Variants in CERS6 observed in about 807,000 individuals in gnomAD.
The protein encoded by CERS6 is LAG1 homolog, ceramide synthase 6.
In CERS6, 26 loss-of-function variants were observed where a neutral mutation model predicts 56.8. That is an observed-to-expected ratio of 0.46 (90% CI 0.34 to 0.63). The LOEUF is 0.63. Ranked by LOEUF, CERS6 falls within the 30% of genes least tolerant of loss-of-function variation. CERS6 has a pLI of 0.01. For missense variants in CERS6, 415 were observed against 467.5 expected, an observed-to-expected ratio of 0.89 and a Z score of 1.04; for synonymous variants, 164 against 173.3, an observed-to-expected ratio of 0.95 and a Z score of 0.42.
At chr2:168,721,571 A>AAC (rs1687370799) in intron 8 of CERS6, among the ~76,000 whole-genome samples, 2 of 95,790 alleles carry the variant, frequency 2.1e-5, no homozygotes, top group Non-Finnish European at 4.8e-5. Flanking sequence ...TTTTTGTTTA[A>AAC]AAAAAACCAA....
intron 3 of CERS6, among the ~76,000 whole-genome samples, chr2:168,617,356 C>CAGCAGAAGAAAGGAAATA (rs547019905): frequency 3.5e-4 from 53 of 151,898 alleles, no homozygotes; most frequent in Non-Finnish European, 6.2e-4. Flanking sequence ...AACCCAAACC[C>CAGCAGAAGAAAGGAAATA]AGCAGAAGAA....
At chr2:168,664,158 C>T (rs1685699757) in intron 4 of CERS6, among the ~76,000 whole-genome samples, 1 of 152,194 alleles carries the variant, frequency 6.6e-6, no homozygotes, top group Non-Finnish European at 1.5e-5. Flanking sequence ...CTCGACAGCC[C>T]CTGCCTTACT....
intron 4 of CERS6, among the ~76,000 whole-genome samples, chr2:168,675,705 T>G (rs535675017): frequency 6.6e-6 from 1 of 150,738 alleles, no homozygotes; most frequent in African/African-American, 2.4e-5. Context: ...CTTTTTTTTA[T>G]GAGATGGAGT....
rs13405834 is a variant in CERS6 at position 168,456,823 on chromosome 2, C to G, written c.170+205C>G. Among the ~76,000 whole-genome samples the G allele has an allele frequency of 4.2e-3, 646 of 152,312 alleles. 5 individuals are homozygous for G. Among genetic ancestry groups the G allele is most frequent in the African/African-American group, 0.015 (608 of 41,578 alleles). ...GGGTCTGGCTTGCCACGGATTTCCTCCCGGGCGCCGGGGAGGAGCCGCGGA... is the reference window on the plus strand; with the variant it reads ...GGGTCTGGCTTGCCACGGATTTCCTGCCGGGCGCCGGGGAGGAGCCGCGGA... On this transcript the variant is annotated intron_variant, in intron 1 of 9. Transcript: ENST00000305747. This position sits in a 1 kb window ranked among gnomAD's most constrained non-coding sequence, Gnocchi z 4.1.
chr2:168,651,705 C>T (rs1458232875), intron 4 of CERS6, among the ~76,000 whole-genome samples: 1 of 152,162 alleles, frequency 6.6e-6, no homozygotes, highest in Non-Finnish European at 1.5e-5. Flanking sequence ...GGAGGAACCA[C>T]CCCATGATCC....
chr2:168,572,608 G>C (rs754560429), intron 3 of CERS6, among the ~76,000 whole-genome samples: 29 of 151,910 alleles, frequency 1.9e-4, no homozygotes, highest in Non-Finnish European at 4.1e-4. Context: ...ATGGAAAGGG[G>C]GCAGTTTGGT....
intron 6 of CERS6, among the ~76,000 whole-genome samples, chr2:168,709,403 C>G (rs140173086): frequency 6.6e-6 from 1 of 151,790 alleles, no homozygotes; most frequent in African/African-American, 2.4e-5. Context: ...GAGTGAAGAC[C>G]ATGTTTGATT....
rs562079733 is a variant in CERS6 at position 168,590,978 on chromosome 2, A to G, written c.407+29656A>G. On this transcript the variant is annotated intron_variant, in intron 3 of 9. Transcript: ENST00000305747. ...CTGCCTCGTATGGCATTAACACCCC[A>G]TGTTAGTGCCATCTCTTTGTATATG... 6.6e-5 allele frequency among the ~76,000 whole-genome samples: 10 copies of G among 152,330 alleles called. No homozygotes were observed. In the South Asian group the frequency reaches 1.2e-3, roughly 19 times the overall value.
At chr2:168,610,383 C>G (rs1684158190) in intron 3 of CERS6, among the ~76,000 whole-genome samples, 1 of 152,134 alleles carries the variant, frequency 6.6e-6, no homozygotes, top group East Asian at 1.9e-4. Flanking sequence ...GAGGGAAGGA[C>G]TTTGACTTAA....
chr2:168,746,696 A>G (rs1418432257), intron 8 of CERS6, among the ~76,000 whole-genome samples: 1 of 149,032 alleles, frequency 6.7e-6, no homozygotes, highest in African/African-American at 2.5e-5. Flanking sequence ...CAGCCCTGGC[A>G]CTGAAGCAGC....
intron 3 of CERS6, among the ~76,000 whole-genome samples, chr2:168,608,368 C>T (rs954561894): frequency 2.0e-5 from 3 of 152,164 alleles, no homozygotes; most frequent in African/African-American, 7.2e-5. Flanking sequence ...CTTCATTTCT[C>T]TTGGGCAGCT....
intron 3 of CERS6, among the ~76,000 whole-genome samples, chr2:168,630,240 G>A (rs185315738): frequency 1.5e-4 from 23 of 151,448 alleles, no homozygotes; most frequent in East Asian, 7.7e-4. Context: ...ATTCATACTC[G>A]GAAGTACAAG....
chr2:168,721,569 T>TAAGCAA (rs1687370156), intron 8 of CERS6, among the ~76,000 whole-genome samples: 4 of 130,710 alleles, frequency 3.1e-5, no homozygotes, highest in Non-Finnish European at 6.5e-5. Flanking sequence ...TTTTTTTGTT[T>TAAGCAA]AAAAAAAACC....
chr2:168,511,650 T>TC (rs1012250728), intron 1 of CERS6, among the ~76,000 whole-genome samples: 23 of 152,334 alleles, frequency 1.5e-4, no homozygotes, highest in African/African-American at 5.5e-4. Flanking sequence ...ATAATCTCTG[T>TC]TCTTTTTTCT....
chr2:168,712,872 T>TGATGAGG (rs1687127884), intron 6 of CERS6, among the ~76,000 whole-genome samples: 3 of 152,194 alleles, frequency 2.0e-5, no homozygotes, highest in Admixed American at 6.5e-5. Context: ...CATCTTTAAG[T>TGATGAGG]CACCTTCTTA....
intron 4 of CERS6, among the ~76,000 whole-genome samples, chr2:168,641,259 AT>A (rs10622907): frequency 6.6e-6 from 1 of 151,766 alleles, no homozygotes; most frequent in African/African-American, 2.4e-5. Flanking sequence ...CGGAAATGTC[AT>A]TTTTTTAGAC....
intron 1 of CERS6, among the ~76,000 whole-genome samples, chr2:168,486,194 A>G (rs1297438795): frequency 1.3e-5 from 2 of 151,980 alleles, no homozygotes; most frequent in Non-Finnish European, 2.9e-5. Flanking sequence ...TTCTTTAACT[A>G]GGTTGTTTTC....
At chr2:168,616,465 A>G (rs183749460) in intron 3 of CERS6, among the ~76,000 whole-genome samples, 65 of 152,374 alleles carry the variant, frequency 4.3e-4, no homozygotes, top group African/African-American at 1.5e-3. Context: ...GAATTCACCA[A>G]CCAACTATTG....
At chr2:168,490,289 T>C (rs1052113172) in intron 1 of CERS6, among the ~76,000 whole-genome samples, 1 of 152,146 alleles carries the variant, frequency 6.6e-6, no homozygotes, top group African/African-American at 2.4e-5. Context: ...CCCATCCTCT[T>C]TGGCCTGTGA....
Sources: allele counts gnomAD v4.1 joint callset (sites outside exome capture counted in the v4.1 genomes callset), GRCh38; gene constraint gnomAD v4.1.1; non-coding constraint Gnocchi (gnomAD v3.1); transcripts MANE v1.5; gene names NCBI Gene and HGNC (gene_info 2026-07-23, HGNC 2026-07-21).